Variants in DMD observed in about 807,000 individuals in gnomAD.
The protein encoded by DMD is mutant dystrophin.
In DMD, 63 loss-of-function variants were observed where a neutral mutation model predicts 330.1. That is an observed-to-expected ratio of 0.19 (90% confidence interval 0.16 to 0.24). DMD has a LOEUF of 0.24. Ranked by LOEUF, DMD falls within the 10% of genes least tolerant of loss-of-function variation. DMD has a pLI of 1.00. For missense variants in DMD, 3,344 were observed against 2,684.1 expected, an observed-to-expected ratio of 1.25 and a Z score of -5.43; for synonymous variants, 1,223 against 959.8, an observed-to-expected ratio of 1.27 and a Z score of -5.07.
chrX:31,223,830 AT>A (rs1245165624), intron 63 of DMD, among the ~76,000 whole-genome samples: 1 of 112,430 alleles, frequency 8.9e-6, no homozygotes, highest in African/African-American at 3.2e-5. Flanking sequence ...CATTTTGAGT[AT>A]TTTTTATCCA....
rs72468681 is a variant in DMD, at chrX:32,491,508, A to C, written c.2391T>G (p.Asn797Lys). 0.011 allele frequency: 13,801 copies of C among 1,208,031 alleles called. 80 individuals are homozygous for C. The highest frequency in any genetic ancestry group is 0.014 in the Non-Finnish European group (12,588 of 893,872). The change falls in exon 20 of 79, where the codon AAT becomes AAG. Residue 797 changes from asparagine (N) to lysine (K), a missense_variant. Coordinates refer to ENST00000357033, the MANE Select transcript of DMD (RefSeq NM_004006.3). The stretch of plus-strand genomic sequence containing the variant: ...CTGAGGCTTGTTTGATGCTATCTGC[A>C]TTAACACCCTCTAGAAAGAAAAAAA... ...LVEQMVNEGV[N>K]ADSIKQASEQ...
intron 2 of DMD, among the ~76,000 whole-genome samples, chrX:32,982,703 C>T (rs1021456170): frequency 5.4e-5 from 6 of 111,412 alleles, no homozygotes; most frequent in Admixed American, 2.9e-4. Context: ...AGCAAGTGAC[C>T]CAGACTCACC....
rs1213103378 is a variant in DMD at position 32,870,602 on chromosome X, T to G, written c.94-20782A>C. Reference sequence around the variant, plus strand: ...GACCAATGGAACAGAACCAACATCTTGGAAATAAGATCACACATCTAATAC... The same window carrying G: ...GACCAATGGAACAGAACCAACATCTGGGAAATAAGATCACACATCTAATAC... On this transcript the variant is annotated intron_variant, in intron 2 of 78. Transcript: ENST00000357033. 2.7e-5 allele frequency among the ~76,000 whole-genome samples: 3 copies of G among 110,799 alleles called. No homozygotes were observed. In the East Asian group the frequency reaches 8.6e-4, roughly 32 times the overall value.
intron 55 of DMD, among the ~76,000 whole-genome samples, chrX:31,620,573 C>T (rs1250804554): frequency 9.1e-6 from 1 of 109,707 alleles, no homozygotes; most frequent in Non-Finnish European, 1.9e-5. Flanking sequence ...TGCCACCACA[C>T]CTGGCTAATT....
chrX:32,630,374 C>A (rs2058650577), intron 11 of DMD, among the ~76,000 whole-genome samples: 1 of 109,244 alleles, frequency 9.2e-6, no homozygotes, highest in Non-Finnish European at 1.9e-5. Context: ...TTATCCTTGA[C>A]CTTTGGAAGT....
Position 32,927,371 on chromosome X carries a change from T to C in DMD, c.94-77551A>G, listed in dbSNP as rs961706745. 5.3e-3 allele frequency among the ~76,000 whole-genome samples: 513 copies of C among 96,205 alleles called. 4 individuals carry two copies. The highest frequency in any genetic ancestry group is 0.042 in the East Asian group (131 of 3,101). 83.5% of individuals were successfully genotyped at this position (96,205 alleles called of 115,157 possible). A position where few individuals can be genotyped will look rare whatever the true frequency, so the allele number is the denominator to read the frequency against. ...AGTTTCCTTCTTTCTTTCTTTTTTT[T>C]TTTTTTTTTTTTTTTTGATGGAATT... On this transcript the variant is annotated intron_variant, in intron 2 of 78. Transcript: ENST00000357033.
At chrX:32,920,823 G>A (rs2088322386) in intron 2 of DMD, among the ~76,000 whole-genome samples, 1 of 112,001 alleles carries the variant, frequency 8.9e-6, no homozygotes, top group Non-Finnish European at 1.9e-5. Context: ...TATAATAAGT[G>A]TTATTGAAGA....
chrX:32,731,130 T>G (rs762748356), intron 7 of DMD, among the ~76,000 whole-genome samples: 3 of 111,949 alleles, frequency 2.7e-5, no homozygotes, highest in East Asian at 2.8e-4. Flanking sequence ...TTCCCTTTCC[T>G]AGTCAAAGAA....
At chrX:31,352,172 C>T (rs1195583827) in intron 60 of DMD, among the ~76,000 whole-genome samples, 2 of 108,862 alleles carry the variant, frequency 1.8e-5, no homozygotes, top group Non-Finnish European at 3.9e-5. Context: ...TATTTTATGG[C>T]CCAATGCAAG....
At chrX:32,905,932 G>A (rs1228795913) in intron 2 of DMD, among the ~76,000 whole-genome samples, 1 of 111,871 alleles carries the variant, frequency 8.9e-6, no homozygotes, top group African/African-American at 3.3e-5. Context: ...ACCCAGAGTT[G>A]AGAATCACTG....
intron 55 of DMD, among the ~76,000 whole-genome samples, chrX:31,579,243 G>A (rs752884535): frequency 4.1e-4 from 46 of 112,404 alleles, no homozygotes; most frequent in African/African-American, 1.4e-3. Context: ...CCAGAAGACA[G>A]GTGAGAGTCT....
At chrX:31,231,498 C>T (rs2047199852) in intron 63 of DMD, among the ~76,000 whole-genome samples, 1 of 112,069 alleles carries the variant, frequency 8.9e-6, no homozygotes, top group African/African-American at 3.2e-5. Flanking sequence ...AAGAACCATG[C>T]CAAGTACATG....
At chrX:32,664,476 C>T (rs1358211012) in intron 9 of DMD, among the ~76,000 whole-genome samples, 1 of 109,936 alleles carries the variant, frequency 9.1e-6, no homozygotes, top group Non-Finnish European at 1.9e-5. Flanking sequence ...CTCCTGACCT[C>T]GTGATCCGCC....
chrX:31,877,010 T>C lies in DMD; in HGVS notation c.6913-1637A>G, dbSNP rs149747080. ...GTCACATAAACAATGTCACATGCTT[T>C]GGAACAATTGTTTTAGATACTTTTA... On this transcript the variant is annotated intron_variant, in intron 47 of 78. Coordinates refer to ENST00000357033, the MANE Select transcript of DMD (RefSeq NM_004006.3). Among the ~76,000 whole-genome samples, 861 of 111,789 alleles carry C rather than the reference T, an allele frequency of 7.7e-3. 8 individuals carry two copies. The highest frequency in any genetic ancestry group is 0.026 in the African/African-American group (802 of 30,787).
chrX:33,297,652 A>G (rs1179647568), intron 1 of DMD, among the ~76,000 whole-genome samples: 1 of 111,830 alleles, frequency 8.9e-6, no homozygotes, highest in East Asian at 2.8e-4. Flanking sequence ...TTATTCAGCC[A>G]TAAAAAGAAG....
intron 60 of DMD, among the ~76,000 whole-genome samples, chrX:31,359,429 A>G (rs1248508995): frequency 1.8e-5 from 2 of 112,048 alleles, no homozygotes; most frequent in African/African-American, 3.2e-5. Context: ...TTTATGACTC[A>G]GGAAGACCTG....
Position 32,740,806 on chromosome X carries a change from G to A in DMD, c.650-41513C>T, listed in dbSNP as rs192301833. Among the ~76,000 whole-genome samples the A allele has an allele frequency of 1.6e-3, 174 of 111,147 alleles. 1 individual carries two copies. The highest frequency in any genetic ancestry group is 5.5e-3 in the African/African-American group (169 of 30,637). ...CGTTATTTCTATGATCTTTCTCATA[G>A]ACTTGCTGGGTAAAATTTGTTATCC... On this transcript the variant is annotated intron_variant, in intron 7 of 78. Transcript: ENST00000357033.
intron 6 of DMD, among the ~76,000 whole-genome samples, chrX:32,813,799 C>T (rs1486357084): frequency 9.0e-6 from 1 of 111,135 alleles, no homozygotes; most frequent in African/African-American, 3.3e-5. Context: ...GTCAAAAGTT[C>T]CTTTCTAAAC....
intron 2 of DMD, among the ~76,000 whole-genome samples, chrX:32,972,818 G>A (rs1448368246): frequency 1.8e-5 from 2 of 111,800 alleles, no homozygotes; most frequent in African/African-American, 6.5e-5. Flanking sequence ...AGAATTTAAT[G>A]CCTGATTATA....
Sources: allele counts gnomAD v4.1 joint callset (sites outside exome capture counted in the v4.1 genomes callset), GRCh38; gene constraint gnomAD v4.1.1; transcripts MANE v1.5; gene names NCBI Gene and HGNC (gene_info 2026-07-23, HGNC 2026-07-21).